ACOXL: variants seen among roughly 807,000 people sequenced by gnomAD.
The protein encoded by ACOXL is acyl-CoA oxidase like, also known as acyl-coenzyme A oxidase-like protein.
ACOXL carries 70 observed loss-of-function variants against 71.9 expected under a neutral mutation model. That is an observed-to-expected ratio of 0.97 (90% CI 0.80 to 1.19). The LOEUF is 1.19. Among genes scored for constraint, ACOXL ranks in the 50% most tolerant of loss-of-function variants. The pLI is 0.00. For synonymous variants in ACOXL, 253 were observed against 281.6 expected (o/e 0.90, Z 1.02); for missense variants, 703 against 736.3 (o/e 0.95, Z 0.52).
intron 12 of ACOXL, among the ~76,000 whole-genome samples, chr2:110,954,251 T>C (rs2061423584): frequency 6.6e-6 from 1 of 152,252 alleles, no homozygotes; most frequent in Admixed American, 6.5e-5. Flanking sequence ...TTATTGTGTT[T>C]ATGTGTCTTA....
chr2:110,916,561 G>A (rs1477137061), intron 11 of ACOXL, among the ~76,000 whole-genome samples: 4 of 151,990 alleles, frequency 2.6e-5, no homozygotes, highest in Non-Finnish European at 5.9e-5. Context: ...AACTAAGATC[G>A]GAACAGAACT....
chr2:110,815,522 TAGAAGGAGGGGATGTTTTTCATATTTA>T (rs2105456497), intron 9 of ACOXL, among the ~76,000 whole-genome samples: 1 of 152,304 alleles, frequency 6.6e-6, no homozygotes, highest in African/African-American at 2.4e-5. Context: ...ACAGGGACCT[TAGAAGGAGGGGATGTTTTTCATATTTA>T]AAATGTATGT....
chr2:111,091,593 G>T (rs1345915641), intron 16 of ACOXL, among the ~76,000 whole-genome samples: 1 of 152,126 alleles, frequency 6.6e-6, no homozygotes, highest in Non-Finnish European at 1.5e-5. Context: ...TATGTTTTCA[G>T]TATGAATTGC....
Position 110,891,127 on chromosome 2 carries a change from A to G in ACOXL, c.789-17662A>G, listed in dbSNP as rs1230343559. ...TTTTTGTATATTTATCTTGTATCCT[A>G]CAACCTTGCTGAACTTGTTTTTTAA... On this transcript the variant is annotated intron_variant, in intron 10 of 17. Coordinates refer to ENST00000439055, the MANE Select transcript of ACOXL (RefSeq NM_001142807.4). Among the ~76,000 whole-genome samples the G allele has an allele frequency of 3.9e-5, 6 of 152,120 alleles. No individual in the cohort carries two copies. The South Asian group carries it at 1.0e-3, about 26-fold the overall frequency.
intron 16 of ACOXL, among the ~76,000 whole-genome samples, chr2:111,062,490 C>G (rs947714879): frequency 2.0e-5 from 3 of 152,086 alleles, no homozygotes; most frequent in Non-Finnish European, 4.4e-5. Flanking sequence ...TTGGAACACT[C>G]TACCCAACAA....
intron 10 of ACOXL, among the ~76,000 whole-genome samples, chr2:110,885,608 G>C (rs1697182534): frequency 6.6e-6 from 1 of 151,936 alleles, no homozygotes; most frequent in Non-Finnish European, 1.5e-5. Flanking sequence ...TTGCAAATTC[G>C]ACTCCACGAA....
At chr2:111,034,936 T>G (rs532153495) in intron 15 of ACOXL, among the ~76,000 whole-genome samples, 9 of 152,012 alleles carry the variant, frequency 5.9e-5, no homozygotes, top group African/African-American at 2.2e-4. Context: ...TTTTTTTTTT[T>G]TGACGGAGTC....
intron 10 of ACOXL, among the ~76,000 whole-genome samples, chr2:110,905,828 T>C (rs2059421012): frequency 6.6e-6 from 1 of 152,186 alleles, no homozygotes; most frequent in Non-Finnish European, 1.5e-5. Context: ...GTGAACACTC[T>C]TGATTTTTGT....
chr2:111,080,870 T>C (rs2067875166), intron 16 of ACOXL, among the ~76,000 whole-genome samples: 1 of 152,142 alleles, frequency 6.6e-6, no homozygotes, highest in Non-Finnish European at 1.5e-5. Flanking sequence ...GTTCAACACA[T>C]ACAAATCAAC....
At chr2:110,875,925 T>A (rs1038126377) in intron 10 of ACOXL, among the ~76,000 whole-genome samples, 1 of 152,054 alleles carries the variant, frequency 6.6e-6, no homozygotes, top group Non-Finnish European at 1.5e-5. Context: ...AAAGAAACAG[T>A]AGAACCACTT....
At chr2:111,015,311 TAA>T (rs1194515406) in intron 14 of ACOXL, among the ~76,000 whole-genome samples, 1 of 152,210 alleles carries the variant, frequency 6.6e-6, no homozygotes, top group Non-Finnish European at 1.5e-5. Flanking sequence ...CAAAAAGCTT[TAA>T]AAGATATCTC....
intron 2 of ACOXL, among the ~76,000 whole-genome samples, chr2:110,771,953 C>T (rs13339791): frequency 0.034 from 5,224 of 152,288 alleles, 141 homozygotes; most frequent in African/African-American, 0.071. Context: ...GATGCTCATC[C>T]CTGGAAGCTG....
chr2:111,006,987 A>G (rs916566734), intron 14 of ACOXL, among the ~76,000 whole-genome samples: 4 of 152,024 alleles, frequency 2.6e-5, no homozygotes, highest in African/African-American at 7.3e-5. Context: ...TTCTCTTCCT[A>G]GGGAATCCTG....
At chr2:110,998,065 A>G (rs1273317208) in intron 14 of ACOXL, among the ~76,000 whole-genome samples, 1 of 152,122 alleles carries the variant, frequency 6.6e-6, no homozygotes, top group Non-Finnish European at 1.5e-5. Flanking sequence ...AATAATACGG[A>G]AGCTAAAAAT....
At chr2:110,937,543 G>C (rs1188041427) in intron 12 of ACOXL, among the ~76,000 whole-genome samples, 1 of 152,124 alleles carries the variant, frequency 6.6e-6, no homozygotes, top group Non-Finnish European at 1.5e-5. Flanking sequence ...ACCTAGCATG[G>C]AGATATTTGT....
At chr2:111,028,567 A>G (rs2065121566) in intron 14 of ACOXL, among the ~76,000 whole-genome samples, 1 of 152,012 alleles carries the variant, frequency 6.6e-6, no homozygotes, top group Non-Finnish European at 1.5e-5. Context: ...CTCATCTTCT[A>G]CTTGAACTTA....
intron 16 of ACOXL, among the ~76,000 whole-genome samples, chr2:111,075,924 CAG>C (rs2067579155): frequency 6.6e-6 from 1 of 151,932 alleles, no homozygotes. Flanking sequence ...CTATTATAAT[CAG>C]AGAAGATACC....
At chr2:110,853,604 G>A (rs984064077) in intron 10 of ACOXL, among the ~76,000 whole-genome samples, 4 of 152,184 alleles carry the variant, frequency 2.6e-5, no homozygotes, top group South Asian at 2.1e-4. Flanking sequence ...ACTAATGGGT[G>A]GGAGAGAAGA....
chr2:110,856,126 C>T (rs532783619), intron 10 of ACOXL, among the ~76,000 whole-genome samples: 8 of 152,286 alleles, frequency 5.3e-5, no homozygotes, highest in Non-Finnish European at 8.8e-5. Context: ...CTACAGAGCG[C>T]TGATTGGTGC....
Sources: allele counts gnomAD v4.1 joint callset (sites outside exome capture counted in the v4.1 genomes callset), GRCh38; gene constraint gnomAD v4.1.1; transcripts MANE v1.5; gene names NCBI Gene and HGNC (gene_info 2026-07-23, HGNC 2026-07-21).